ADARB2: variants seen among roughly 807,000 people sequenced by gnomAD.
The protein encoded by ADARB2 is inactive double-stranded RNA-specific editase B2.
A neutral mutation model predicts 62.2 loss-of-function variants in ADARB2; 25 were observed. The ratio of observed to expected loss-of-function variants is 0.40; its 90% CI spans 0.29 to 0.56. The LOEUF (loss-of-function observed/expected upper bound fraction) is 0.56. Among genes scored for constraint, ADARB2 ranks in the 20% least tolerant of loss-of-function variants. The probability of loss-of-function intolerance (pLI) is 0.43; values close to 1 mark genes in which losing one functional copy is unlikely to be tolerated. For synonymous variants in ADARB2, 572 were observed against 500.8 expected, an observed-to-expected ratio of 1.14 and a Z score of -1.90; for missense variants, 1,071 against 1,077.4, an observed-to-expected ratio of 0.99 and a Z score of 0.08.
At chr10:1,460,287 G>A (rs111689651) in intron 1 of ADARB2, among the ~76,000 whole-genome samples, 16 of 11,588 alleles carry the variant, frequency 1.4e-3, no homozygotes, top group African/African-American at 3.3e-3. Flanking sequence ...CCTGTGTAAC[G>A]AACCTGCCTG....
chr10:1,668,933 T>C (rs187620418), intron 1 of ADARB2, among the ~76,000 whole-genome samples: 1 of 152,328 alleles, frequency 6.6e-6, no homozygotes, highest in East Asian at 1.9e-4. Context: ...CCTGGTTAGG[T>C]GGCACCAGCC....
intron 3 of ADARB2, among the ~76,000 whole-genome samples, chr10:1,345,911 A>G (rs75197446): frequency 0.024 from 3,629 of 152,326 alleles, 86 homozygotes; most frequent in East Asian, 0.11. Context: ...CTGCAACCTG[A>G]GAGCCATTTT....
In ADARB2 at chr10:1,487,604, A is replaced by G. The variant is rs186723875; in HGVS notation, c.101-108444T>C. On this transcript the variant is annotated intron_variant, in intron 1 of 9. Transcript: ENST00000381312. ...TAAAGGTCATGGAACATGACTTGGG[A>G]TATCTGACTTATTCCTAAAGTGTAG... Among the ~76,000 whole-genome samples the G allele has an allele frequency of 5.9e-5, 9 of 152,346 alleles. No individual in the cohort carries two copies. In the East Asian group the frequency reaches 1.5e-3, roughly 26 times the overall value.
At chr10:1,619,298 AAAAAAAAAAAG>A (rs1276608991) in intron 1 of ADARB2, among the ~76,000 whole-genome samples, 18 of 144,216 alleles carry the variant, frequency 1.2e-4, no homozygotes, top group Admixed American at 1.2e-3. Context: ...GTAAAAAAAA[AAAAAAAAAAAG>A]AAAAAATACG....
rs867405023 is a variant in ADARB2 at position 1,704,892 on chromosome 10, G to A, written c.100+32159C>T. ...TGAGGAGCCCAGCAGTTTATCATTT[G>A]AGCAGGAAAAGGGTGCAGGGGAGAC... On this transcript the variant is annotated intron_variant, in intron 1 of 9. Coordinates refer to ENST00000381312, the MANE Select transcript of ADARB2 (RefSeq NM_018702.4). The surrounding 1 kb of genome is among the most constrained non-coding windows in gnomAD (Gnocchi z 5.6). Among the ~76,000 whole-genome samples, 2 of 152,092 alleles carry A rather than the reference G, an allele frequency of 1.3e-5. No individual in the cohort carries two copies. Among genetic ancestry groups the A allele is most frequent in the African/African-American group, 4.8e-5 (2 of 41,416 alleles).
At chr10:1,687,029 CT>C (rs397952487) in intron 1 of ADARB2, among the ~76,000 whole-genome samples, 547 of 128,970 alleles carry the variant, frequency 4.2e-3, no homozygotes, top group Middle Eastern at 0.017. Context: ...ATGACATTGC[CT>C]TTTTTTTTTT....
At chr10:1,195,394 TTTTTTG>T (rs1402860993) in intron 8 of ADARB2, among the ~76,000 whole-genome samples, 10 of 131,860 alleles carry the variant, frequency 7.6e-5, no homozygotes, top group African/African-American at 1.1e-4. Flanking sequence ...ACACAGTTTT[TTTTTTG>T]TTTTTTTTTT....
chr10:1,283,020 C>A (rs1333494640), intron 3 of ADARB2, among the ~76,000 whole-genome samples: 1 of 152,218 alleles, frequency 6.6e-6, no homozygotes, highest in East Asian at 1.9e-4. Context: ...CATGTGCTTA[C>A]TAGTTCCGTC....
intron 7 of ADARB2, among the ~76,000 whole-genome samples, chr10:1,206,787 C>T (rs1422389123): frequency 6.6e-6 from 1 of 152,158 alleles, no homozygotes; most frequent in East Asian, 1.9e-4. Flanking sequence ...AGCCCGGCCT[C>T]GTGTTTTCTC....
At chr10:1,656,124 T>C (rs570768662) in intron 1 of ADARB2, among the ~76,000 whole-genome samples, 1 of 152,260 alleles carries the variant, frequency 6.6e-6, no homozygotes. Context: ...CTGGGATATT[T>C]TTCTTACTCC....
At position 1,235,254 on chromosome 10, in the gene ADARB2, C is replaced by T. The variant is rs1830854734; in HGVS notation, c.1362-1409G>A. ...AGGAAGGCCTGGGCTCCGTCACCAG[C>T]ACAGGTGGGAGTGGAGAACCGTGGC... On this transcript the variant is annotated intron_variant, in intron 5 of 9. Coordinates refer to ENST00000381312, the MANE Select transcript of ADARB2 (RefSeq NM_018702.4). 2.2e-5 allele frequency among the ~76,000 whole-genome samples: 3 copies of T among 139,362 alleles called. No individual in the cohort carries two copies. In the South Asian group the frequency reaches 7.4e-4, roughly 34 times the overall value. 91.4% of individuals were successfully genotyped at this position (139,362 alleles called of 152,430 possible).
chr10:1,691,831 A>T (rs760976547), intron 1 of ADARB2, among the ~76,000 whole-genome samples: 46 of 152,148 alleles, frequency 3.0e-4, no homozygotes, highest in Middle Eastern at 6.3e-3. Flanking sequence ...TCCCCTCCAG[A>T]TAGGGCAGCT....
At chr10:1,693,666 G>A (rs936620884) in intron 1 of ADARB2, among the ~76,000 whole-genome samples, 1 of 152,066 alleles carries the variant, frequency 6.6e-6, no homozygotes, top group Admixed American at 6.6e-5. Flanking sequence ...TTCCAACCAT[G>A]GCTACAAATG....
chr10:1,732,978 CA>C (rs1370390935), intron 1 of ADARB2, among the ~76,000 whole-genome samples: 1 of 152,230 alleles, frequency 6.6e-6, no homozygotes, highest in Non-Finnish European at 1.5e-5. Context: ...ACCTCGTGCT[CA>C]AAATGTATTT....
intron 1 of ADARB2, among the ~76,000 whole-genome samples, chr10:1,431,780 C>T (rs1039423166): frequency 1.3e-5 from 2 of 152,116 alleles, no homozygotes; most frequent in African/African-American, 4.8e-5. Context: ...GCTATTACTA[C>T]AGAACGTGTA....
intron 2 of ADARB2, among the ~76,000 whole-genome samples, chr10:1,376,328 A>T (rs1392128335): frequency 6.6e-6 from 1 of 152,260 alleles, no homozygotes. Flanking sequence ...TACCATAAAT[A>T]ACTTAAAGTT....
intron 1 of ADARB2, among the ~76,000 whole-genome samples, chr10:1,575,540 G>A (rs1832999217): frequency 6.6e-6 from 1 of 152,230 alleles, no homozygotes; most frequent in African/African-American, 2.4e-5. Flanking sequence ...AGGGGCCCTG[G>A]AGCCCCTTCC....
chr10:1,213,426 G>C (rs1026754170), intron 7 of ADARB2, among the ~76,000 whole-genome samples: 1 of 152,148 alleles, frequency 6.6e-6, no homozygotes, highest in Non-Finnish European at 1.5e-5. Flanking sequence ...AGAACCAGAA[G>C]GTGGCTGGGC....
chr10:1,475,972 C>T (rs1467084749), intron 1 of ADARB2, among the ~76,000 whole-genome samples: 1 of 152,152 alleles, frequency 6.6e-6, no homozygotes, highest in Non-Finnish European at 1.5e-5. Context: ...GTCTTGGAGA[C>T]AGTTAAGTGT....
Sources: allele counts gnomAD v4.1 joint callset (sites outside exome capture counted in the v4.1 genomes callset), GRCh38; gene constraint gnomAD v4.1.1; non-coding constraint Gnocchi (gnomAD v3.1); transcripts MANE v1.5; gene names NCBI Gene and HGNC (gene_info 2026-07-23, HGNC 2026-07-21).